MMRN1: variants seen among roughly 807,000 people sequenced by gnomAD.
MMRN1 encodes the protein multimerin 1, also known as multimerin-1.
A neutral mutation model predicts 100.7 loss-of-function variants in MMRN1; 94 were observed. The observed-to-expected ratio is 0.93, with a 90% CI of 0.79 to 1.11. The LOEUF is 1.11. MMRN1 is among the 50% of genes least tolerant of loss of function. The pLI is 0.00. For synonymous variants in MMRN1, 575 were observed against 505.0 expected (o/e 1.14, Z -1.86); for missense variants, 1,606 against 1,439.1 (o/e 1.12, Z -1.88).
At chr4:89,908,467 A>T (rs6857668) in intron 1 of MMRN1, among the ~76,000 whole-genome samples, 1 of 151,410 alleles carries the variant, frequency 6.6e-6, no homozygotes, top group African/African-American at 2.4e-5. Flanking sequence ...GATTAATTTG[A>T]GGAAAATTGA....
intron 6 of MMRN1, among the ~76,000 whole-genome samples, chr4:89,940,369 G>A (rs1722784601): frequency 6.6e-6 from 1 of 151,848 alleles, no homozygotes; most frequent in African/African-American, 2.4e-5. Context: ...AATTATTCCT[G>A]TACTCCCAAG....
Position 89,895,508 on chromosome 4 carries a change from A to T in MMRN1, c.537A>T (p.Pro179=). The change falls in exon 1 of 8, where the codon CCA becomes CCT. Residue 179 remains proline (P), a synonymous_variant. Transcript: ENST00000264790. ...CTGGAGGCGTGGGAAATCGAGCCCC[A>T]CGGGAAACATACCTCAGCCGGGGTG... is the stretch of plus-strand genomic sequence containing the variant. The part of the protein sequence containing the change: ...GGTGGVGNRA[P]RETYLSRGDS... The T allele has an allele frequency of 2.5e-6, 4 of 1,613,820 alleles. No individual in the cohort carries two copies. The highest frequency in any genetic ancestry group is 3.4e-6 in the Non-Finnish European group (4 of 1,179,904).
At chr4:89,932,258 G>A (rs1262112957) in intron 5 of MMRN1, among the ~76,000 whole-genome samples, 5 of 152,162 alleles carry the variant, frequency 3.3e-5, no homozygotes, top group Non-Finnish European at 2.9e-5. Context: ...TGATGCAAGA[G>A]GTGGGTCCCC....
chr4:89,946,984 T>C (rs1723007181), intron 6 of MMRN1, among the ~76,000 whole-genome samples: 1 of 151,968 alleles, frequency 6.6e-6, no homozygotes, highest in East Asian at 1.9e-4. Flanking sequence ...TGTGGAAAGT[T>C]CGCTTAAATG....
In MMRN1 at chr4:89,953,487, A is replaced by G; in HGVS notation, c.*69A>G. The G allele has an allele frequency of 2.1e-6, 3 of 1,422,336 alleles. No individual in the cohort carries two copies. The highest frequency in any genetic ancestry group is 2.8e-6 in the Non-Finnish European group (3 of 1,059,760). 88.1% of individuals were successfully genotyped at this position (1,422,336 alleles called of 1,614,324 possible). ...AGTGTTTTCATTTATCTTTGCTTGCACATCTGCTCTGTTTTGGTTTTTCTA... is the reference window on the plus strand; with the variant it reads ...AGTGTTTTCATTTATCTTTGCTTGCGCATCTGCTCTGTTTTGGTTTTTCTA... On this transcript the variant is annotated 3_prime_UTR_variant, in exon 8 of 8. Transcript: ENST00000264790.
At chr4:89,896,742 G>C (rs1056485724) in intron 1 of MMRN1, among the ~76,000 whole-genome samples, 2 of 152,134 alleles carry the variant, frequency 1.3e-5, no homozygotes, top group African/African-American at 4.8e-5. Context: ...GAAGAAGAGA[G>C]ACACTGGTAA....
At chr4:89,898,523 A>G (rs1442132) in intron 1 of MMRN1, among the ~76,000 whole-genome samples, 12,929 of 151,706 alleles carry the variant, frequency 0.085, 1,207 homozygotes, top group East Asian at 0.31. Flanking sequence ...GAGGCTTCAC[A>G]GGCTATTGGT....
intron 7 of MMRN1, 102 bp from the exon 8 acceptor site, chr4:89,952,892 TCTG>T: frequency 8.7e-7 from 1 of 1,153,000 alleles, no homozygotes; most frequent in Non-Finnish European, 1.2e-6. Flanking sequence ...GCCTTTCTCT[TCTG>T]CTAAGACTTT....
At chr4:89,944,177 CTT>C (rs1722918098) in intron 6 of MMRN1, among the ~76,000 whole-genome samples, 1 of 152,134 alleles carries the variant, frequency 6.6e-6, no homozygotes, top group Admixed American at 6.6e-5. Flanking sequence ...CAATTTTTGA[CTT>C]TTGTACATTT....
At chr4:89,913,952 G>A (rs180937089) in intron 3 of MMRN1, among the ~76,000 whole-genome samples, 1 of 151,322 alleles carries the variant, frequency 6.6e-6, no homozygotes, top group Non-Finnish European at 1.5e-5. Context: ...TTCCAAAATA[G>A]CCTCCTGTTG....
chr4:89,897,838 C>G (rs1474359477), intron 1 of MMRN1, among the ~76,000 whole-genome samples: 1 of 152,078 alleles, frequency 6.6e-6, no homozygotes, highest in Admixed American at 6.6e-5. Flanking sequence ...AAAAAGTAAA[C>G]ACTAACATAC....
chr4:89,953,977 T>C lies in MMRN1; in HGVS notation c.*559T>C, dbSNP rs1723265831. The stretch of plus-strand genomic sequence containing the variant: ...GTTGGACTGAAAATATGAAAAATGC[T>C]TAACTATTGTTCTCTTCCTATAATT... On this transcript the variant is annotated 3_prime_UTR_variant, in exon 8 of 8. Transcript: ENST00000264790. 6.6e-6 allele frequency: 1 copy of C among 152,348 alleles called. No homozygotes were observed. The highest frequency in any genetic ancestry group is 1.5e-5 in the Non-Finnish European group (1 of 68,166). 9.4% of individuals were successfully genotyped at this position (152,348 alleles called of 1,614,324 possible).
At chr4:89,885,368 T>G (rs906469095) in intron 1 of MMRN1, among the ~76,000 whole-genome samples, 1 of 152,126 alleles carries the variant, frequency 6.6e-6, no homozygotes, top group Non-Finnish European at 1.5e-5. Context: ...TGAAAGATAC[T>G]GGTCTGAAGT....
intron 6 of MMRN1, among the ~76,000 whole-genome samples, chr4:89,943,489 T>A (rs1057451256): frequency 6.6e-6 from 1 of 152,226 alleles, no homozygotes; most frequent in Non-Finnish European, 1.5e-5. Flanking sequence ...TTATATTAGC[T>A]TAAAATGTTG....
At chr4:89,912,321 C>G (rs1721780858) in intron 3 of MMRN1, among the ~76,000 whole-genome samples, 1 of 151,214 alleles carries the variant, frequency 6.6e-6, no homozygotes, top group Non-Finnish European at 1.5e-5. Context: ...TTCTTAACAA[C>G]AAGCTATAGA....
At position 89,953,164 on chromosome 4, in the gene MMRN1, T is replaced by C. The variant is rs1452661946; in HGVS notation, c.3433T>C (p.Tyr1145His). The C allele has an allele frequency of 1.9e-6, 3 of 1,613,888 alleles. 1 individual carries two copies. Among genetic ancestry groups the C allele is most frequent in the Admixed American group, 3.3e-5 (2 of 59,968 alleles). ...ATTTAGAATTCCGTATCTTGGAGTA[T>C]ATGTTTTCAAGTACACCATCGAGTC... Reference protein sequence around the residue: ...GKFRIPYLGVYVFKYTIESFS... With the variant: ...GKFRIPYLGVHVFKYTIESFS... Residue 1145 changes from tyrosine to histidine, a missense_variant, in exon 8 of 8, where the codon TAT becomes CAT. Physicochemically the swap from Tyr to His is moderately conservative, Grantham distance 83 (BLOSUM62 2). Coordinates refer to ENST00000264790, the MANE Select transcript of MMRN1 (RefSeq NM_007351.3).
intron 1 of MMRN1, among the ~76,000 whole-genome samples, chr4:89,897,065 C>G (rs10001067): frequency 0.5 from 75,987 of 151,918 alleles, 19,146 homozygotes; most frequent in Admixed American, 0.52. Flanking sequence ...CATTTATTGA[C>G]AGCTTTTTCT....
chr4:89,934,730 T>A (rs1722546577), intron 5 of MMRN1, 80 bp from the exon 6 acceptor site: 2 of 789,216 alleles, frequency 2.5e-6, no homozygotes, highest in Non-Finnish European at 1.8e-6. Context: ...TAATGTTTAA[T>A]TTCAAACTTT....
intron 5 of MMRN1, among the ~76,000 whole-genome samples, chr4:89,929,195 A>G (rs993743798): frequency 1.3e-5 from 2 of 152,076 alleles, no homozygotes; most frequent in Admixed American, 6.6e-5. Context: ...TTTCAGGATT[A>G]CTGTTTTTTT....
Sources: allele counts gnomAD v4.1 joint callset (sites outside exome capture counted in the v4.1 genomes callset), GRCh38; gene constraint gnomAD v4.1.1; transcripts MANE v1.5; gene names NCBI Gene and HGNC (gene_info 2026-07-23, HGNC 2026-07-21).